The following IL17RA variants were observed in gnomAD, a reference collection of about 807,000 sequenced individuals.
The protein encoded by IL17RA is interleukin 17 receptor A.
In IL17RA, 34 loss-of-function variants were observed where a neutral mutation model predicts 50.4. That is an observed-to-expected ratio of 0.67 (90% CI 0.51 to 0.90). IL17RA has a LOEUF of 0.90. IL17RA is among the 40% of genes least tolerant of loss of function. The pLI, the probability that IL17RA is intolerant of heterozygous loss-of-function variation, is 0.00. For missense variants in IL17RA, 1,276 were observed against 1,169.8 expected (o/e 1.09, Z -1.32); for synonymous variants, 585 against 510.4 (o/e 1.15, Z -1.97).
chr22:17,098,723 C>T lies in IL17RA; in HGVS notation c.311-52C>T, dbSNP rs527860938. ...AGATAGGGAAGTGACACACCCAGCA[C>T]TTGTCTTGGCTGATCTGCATCTGTT... On this transcript the variant is annotated intron_variant, in intron 3 of 12. Coordinates refer to ENST00000319363, the MANE Select transcript of IL17RA (RefSeq NM_014339.7). 1.6e-4 allele frequency: 232 copies of T among 1,469,056 alleles called. 1 individual carries two copies. Among genetic ancestry groups the T allele is most frequent in the Non-Finnish European group, 2.1e-4 (224 of 1,049,058 alleles). 91.0% of individuals were successfully genotyped at this position (1,469,056 alleles called of 1,614,324 possible).
chr22:17,085,266 G>C (rs1448245625), intron 1 of IL17RA, 37 bp downstream of exon 1: 1 of 1,535,368 alleles, frequency 6.5e-7, no homozygotes, highest in South Asian at 1.2e-5. Flanking sequence ...CCGCCAGGAT[G>C]CTGCGGACGC....
At chr22:17,106,869 G>A (rs2061417107) in intron 11 of IL17RA, among the ~76,000 whole-genome samples, 3 of 150,072 alleles carry the variant, frequency 2.0e-5, no homozygotes, top group South Asian at 2.1e-4. Flanking sequence ...CGGCGGCGGC[G>A]CTTTTGGTTT....
intron 10 of IL17RA, 114 bp downstream of exon 10, chr22:17,105,716 G>C: frequency 2.3e-6 from 3 of 1,278,616 alleles, no homozygotes; most frequent in Non-Finnish European, 3.2e-6. Context: ...AGGCCAGCCC[G>C]GGGTGGGGGG....
rs192300437 is a variant in IL17RA at position 17,108,508 on chromosome 22, G to C, written c.1289G>C (p.Gly430Ala). Reference protein sequence around the residue: ...ISEAGVMTWVGRQKQEMVESN... With the variant: ...ISEAGVMTWVARQKQEMVESN... ...GAGGCAGGAGTCATGACCTGGGTGG[G>C]CCGTCAGAAGCAGGAGATGGTGGAG... is the stretch of plus-strand genomic sequence containing the variant. The change falls in exon 13 of 13, where the codon GGC becomes GCC. Residue 430 changes from glycine to alanine, a missense_variant. Physicochemically the swap from Gly to Ala is moderately conservative, Grantham distance 60. Coordinates refer to ENST00000319363, the MANE Select transcript of IL17RA (RefSeq NM_014339.7). The C allele has an allele frequency of 2.8e-5, 45 of 1,612,350 alleles. 1 individual carries two copies. In the East Asian group the frequency reaches 9.6e-4, roughly 34 times the overall value.
Position 17,105,587 on chromosome 22 carries a change from G to A in IL17RA, c.932-4G>A, listed in dbSNP as rs775396300. ...TTTCCCTTTTTCCTCTGTTCTCATT[G>A]CAGAACCAATTCCGGGTAAGCTTGG... On this transcript the variant is annotated splice_region_variant and splice_polypyrimidine_tract_variant and intron_variant, in intron 9 of 12. Transcript: ENST00000319363. 3 of 1,613,202 alleles carry A rather than the reference G, an allele frequency of 1.9e-6. No homozygotes were observed. In the Admixed American group the frequency reaches 5.0e-5, roughly 27 times the overall value.
intron 1 of IL17RA, among the ~76,000 whole-genome samples, chr22:17,085,592 A>C (rs1378194708): frequency 2.6e-5 from 4 of 151,982 alleles, no homozygotes; most frequent in Non-Finnish European, 4.4e-5. Flanking sequence ...GGCTGATAGA[A>C]AGGGGCTGTG....
At chr22:17,094,673 C>CTATATATATATATATGTA (rs1568917416) in intron 1 of IL17RA, among the ~76,000 whole-genome samples, 4 of 47,850 alleles carry the variant, frequency 8.4e-5, no homozygotes, top group Admixed American at 1.8e-4. Context: ...CTCTCTCTCT[C>CTATATATATATATATGTA]TCTCTCTCTC....
chr22:17,087,056 CCTTCCT>C (rs1364420831), intron 1 of IL17RA, among the ~76,000 whole-genome samples: 1 of 152,222 alleles, frequency 6.6e-6, no homozygotes, highest in African/African-American at 2.4e-5. Context: ...TCGTTCTCTT[CCTTCCT>C]CTCTCTCTCT....
chr22:17,088,877 C>T (rs2123789894), intron 1 of IL17RA, among the ~76,000 whole-genome samples: 1 of 152,062 alleles, frequency 6.6e-6, no homozygotes, highest in South Asian at 2.1e-4. Flanking sequence ...CTCACTGCAA[C>T]CTCCACTTCC....
chr22:17,088,792 TTTTTA>T (rs1174276945), intron 1 of IL17RA, among the ~76,000 whole-genome samples: 2 of 150,076 alleles, frequency 1.3e-5, no homozygotes, highest in African/African-American at 2.5e-5. Context: ...CTGGCCAATT[TTTTTA>T]TTTTTATTTT....
At chr22:17,102,378 T>C in intron 7 of IL17RA, 76 bp downstream of exon 7, 1 of 1,536,314 alleles carries the variant, frequency 6.5e-7, no homozygotes, top group Admixed American at 1.7e-5. Flanking sequence ...TCTCTGCTGG[T>C]CTGACAGAAC....
chr22:17,105,662 A>T, intron 10 of IL17RA, 60 bp downstream of exon 10: 2 of 1,582,990 alleles, frequency 1.3e-6, no homozygotes, highest in Non-Finnish European at 1.7e-6. Context: ...CCCAGTGGCC[A>T]CTTGAGAAGT....
chr22:17,099,815 A>C (rs1175137965), intron 4 of IL17RA, among the ~76,000 whole-genome samples: 1 of 152,196 alleles, frequency 6.6e-6, no homozygotes. Flanking sequence ...AAAATAACTT[A>C]GCACAAATTC....
chr22:17,097,158 C>T (rs2061371346), intron 2 of IL17RA, 72 bp downstream of exon 2: 1 of 1,453,884 alleles, frequency 6.9e-7, no homozygotes. Flanking sequence ...CAACTTCTGA[C>T]AGAAGTCTTG....
intron 1 of IL17RA, 108 bp downstream of exon 1, chr22:17,085,337 AGTCCGC>A: frequency 6.7e-7 from 1 of 1,500,534 alleles, no homozygotes; most frequent in Non-Finnish European, 8.9e-7. Context: ...GGAGGCAGGA[AGTCCGC>A]GCCGCGGGCT....
chr22:17,098,783 C>T lies in IL17RA; in HGVS notation c.319C>T (p.Leu107=), dbSNP rs771269266. 1 of 1,614,038 alleles carries T rather than the reference C, an allele frequency of 6.2e-7. No individual in the cohort carries two copies. Among genetic ancestry groups the T allele is most frequent in the South Asian group, 1.1e-5 (1 of 91,078 alleles). Residue 107 remains leucine, a synonymous_variant, in exon 4 of 13, where the codon CTG becomes TTG. Transcript: ENST00000319363. ...EWTLQTDASI[L]YLEGAELSVL... ...TTCTCCCTCTCCTGCAGCCAGCATC[C>T]TGTACCTCGAGGGTGCAGAGTTATC...
At chr22:17,086,482 T>C (rs987698423) in intron 1 of IL17RA, among the ~76,000 whole-genome samples, 9 of 152,078 alleles carry the variant, frequency 5.9e-5, no homozygotes, top group African/African-American at 1.9e-4. Flanking sequence ...CTGCAGGCTG[T>C]GTATGAAGCG....
Position 17,094,669 on chromosome 22 carries a change from C to CTATA in IL17RA, c.139-2392_139-2391insATAT, listed in dbSNP as rs2061360235. 5.3e-3 allele frequency among the ~76,000 whole-genome samples: 127 copies of CTATA among 24,156 alleles called. 3 individuals carry two copies. Among genetic ancestry groups the CTATA allele is most frequent in the Non-Finnish European group, 9.5e-3 (99 of 10,400 alleles). 15.8% of individuals were successfully genotyped at this position (24,156 alleles called of 152,430 possible). On this transcript the variant is annotated intron_variant, in intron 1 of 12. Coordinates refer to ENST00000319363, the MANE Select transcript of IL17RA (RefSeq NM_014339.7). ...AGTCATACACACACTCTCTCTCTCTCTCTCTCTCTCTCTCTCTCTCTCTAT... is the reference window on the plus strand; with the variant it reads ...AGTCATACACACACTCTCTCTCTCTCTATATCTCTCTCTCTCTCTCTCTCTCTAT...
chr22:17,092,459 G>A (rs1216098208), intron 1 of IL17RA, among the ~76,000 whole-genome samples: 2 of 152,148 alleles, frequency 1.3e-5, no homozygotes, highest in Non-Finnish European at 2.9e-5. Flanking sequence ...GGGGTGGGCG[G>A]TCTTGGGGAC....
Sources: gnomAD v4.1 joint callset for allele counts (sites outside exome capture counted in the v4.1 genomes callset) on GRCh38, gnomAD v4.1.1 for gene constraint, MANE v1.5 for transcripts, NCBI Gene and HGNC (gene_info 2026-07-23, HGNC 2026-07-21) for gene names.